The following TNRC18 variants were observed in gnomAD, a reference collection of about 807,000 sequenced individuals.
TNRC18 encodes the protein trinucleotide repeat-containing gene 18 protein.
TNRC18 carries 69 observed loss-of-function variants against 226.7 expected under a neutral mutation model. The observed-to-expected ratio is 0.30, with a 90% CI of 0.25 to 0.37. TNRC18 has a LOEUF of 0.37. Among genes scored for constraint, TNRC18 ranks in the 10% least tolerant of loss-of-function variants. The probability of loss-of-function intolerance (pLI) is 1.00; values close to 1 mark genes in which losing one functional copy is unlikely to be tolerated. For missense variants in TNRC18, 4,754 were observed against 4,256.6 expected, an observed-to-expected ratio of 1.12 and a Z score of -3.25; for synonymous variants, 2,449 against 1,927.6, an observed-to-expected ratio of 1.27 and a Z score of -7.09.
intron 19 of TNRC18, among the ~76,000 whole-genome samples, chr7:5,331,612 C>G (rs546597996): frequency 5.3e-5 from 8 of 152,302 alleles, no homozygotes; most frequent in Admixed American, 2.0e-4. Context: ...TTAAAACATC[C>G]TTTACACTGC....
In TNRC18 at chr7:5,371,127, C is replaced by T. The variant is rs377679353; in HGVS notation, c.3467G>A (p.Arg1156Gln). ...GTCCTCCACCTCTGCCTTCACCTCC[C>T]GCTCAGCCAGCGGTTCTTCCTCCGG... ...EGPEEEPLAE[R>Q]EVKAEVEDMD... The change falls in exon 11 of 30, where the codon CGG becomes CAG. Residue 1156 changes from arginine (R) to glutamine (Q), a missense_variant. Physicochemically the swap from Arg to Gln is conservative, Grantham distance 43 (BLOSUM62 1). Coordinates refer to ENST00000430969, the MANE Select transcript of TNRC18 (RefSeq NM_001080495.3). 100 of 1,611,848 alleles carry T rather than the reference C, an allele frequency of 6.2e-5. No homozygotes were observed. The highest frequency in any genetic ancestry group is 3.3e-4 in the Middle Eastern group (2 of 6,072).
chr7:5,388,983 G>A lies in TNRC18; in HGVS notation c.841C>T (p.Leu281=). 2.2e-6 allele frequency: 3 copies of A among 1,375,792 alleles called. No homozygotes were observed. The African/African-American group carries it at 4.7e-5, about 22-fold the overall frequency. The allele number at this position is 1,375,792 out of a possible 1,614,324, so 85.2% of individuals were successfully genotyped here. A position where few individuals can be genotyped will look rare whatever the true frequency, so the allele number is the denominator to read the frequency against. ...TKNAALQPSV[L]TMCNGGAGDV... is the part of the protein sequence containing the mutation. ...CCGGCGCCGCCGTTGCACATGGTCA[G>A]TACCGACGGCTGCAGCGCCGCATTC... The change falls in exon 5 of 30, where the codon CTG becomes TTG. Residue 281 remains leucine (L), a synonymous_variant. Coordinates refer to ENST00000430969, the MANE Select transcript of TNRC18 (RefSeq NM_001080495.3).
In TNRC18 at chr7:5,320,631, G is replaced by A. The variant is rs766141247; in HGVS notation, c.6561-24C>T. 71 of 1,606,344 alleles carry A rather than the reference G, an allele frequency of 4.4e-5. No individual in the cohort carries two copies. In the African/African-American group the frequency reaches 8.8e-4, roughly 20 times the overall value. ...ATCTGTAGGAGCAAACGAGGCGTGA[G>A]GTGGCAGAGGCCGAGACCTCCCCAG... On this transcript the variant is annotated intron_variant, in intron 22 of 29. Transcript: ENST00000430969.
At chr7:5,330,762 C>T (rs1401960132) in intron 19 of TNRC18, among the ~76,000 whole-genome samples, 1 of 152,188 alleles carries the variant, frequency 6.6e-6, no homozygotes, top group Admixed American at 6.5e-5. Context: ...CAACCTCCGC[C>T]TTCCGGGCTC....
intron 17 of TNRC18, among the ~76,000 whole-genome samples, chr7:5,350,953 T>C (rs1384351236): frequency 1.3e-5 from 2 of 152,098 alleles, no homozygotes; most frequent in East Asian, 3.9e-4. Context: ...AAAACAGAAA[T>C]ACACGTGAGA....
Position 5,389,196 on chromosome 7 carries a change from C to G in TNRC18, c.628G>C (p.Ala210Pro). 7.5e-7 allele frequency: 1 copy of G among 1,329,808 alleles called. No homozygotes were observed. Among genetic ancestry groups the G allele is most frequent in the Non-Finnish European group, 9.6e-7 (1 of 1,042,690 alleles). 82.4% of individuals were successfully genotyped at this position (1,329,808 alleles called of 1,614,324 possible). The stretch of plus-strand genomic sequence containing the variant: ...GGAGGCGGCTCCCCGCCGCGGCCCG[C>G]CCGCTCCTTGGCTGGACCGTCCCGC... ...SSRDGPAKER[A>P]GRGGEPPPLF... The change falls in exon 5 of 30, where the codon GCG (alanine) becomes CCG (proline). Residue 210 changes from alanine to proline, a missense_variant. Transcript: ENST00000430969.
intron 5 of TNRC18, among the ~76,000 whole-genome samples, chr7:5,384,759 G>A (rs1474669723): frequency 1.3e-5 from 2 of 152,156 alleles, no homozygotes; most frequent in South Asian, 2.1e-4. Context: ...CAATCCAAGC[G>A]CTGTTGGCCC....
intron 17 of TNRC18, among the ~76,000 whole-genome samples, chr7:5,346,046 G>A (rs1015057527): frequency 1.3e-5 from 2 of 152,258 alleles, no homozygotes; most frequent in African/African-American, 4.8e-5. Context: ...GTGGGCAGCG[G>A]CCTTGTGTGT....
chr7:5,373,778 C>G (rs563011514), intron 10 of TNRC18, among the ~76,000 whole-genome samples: 1 of 152,270 alleles, frequency 6.6e-6, no homozygotes, highest in South Asian at 2.1e-4. Flanking sequence ...TGTGACAGGT[C>G]TGGCTCGGTG....
intron 19 of TNRC18, among the ~76,000 whole-genome samples, 187 bp downstream of exon 19, chr7:5,332,435 G>A (rs1306063240): frequency 1.3e-5 from 2 of 152,194 alleles, no homozygotes; most frequent in East Asian, 3.9e-4. Context: ...TGACTCTTAA[G>A]AAACAAAGGA....
chr7:5,421,237 G>A lies in TNRC18; in HGVS notation c.10C>T (p.Arg4Ter). 2 of 1,302,182 alleles carry A rather than the reference G, an allele frequency of 1.5e-6. No individual in the cohort carries two copies. The highest frequency in any genetic ancestry group is 2.0e-6 in the Non-Finnish European group (2 of 1,022,018). 80.7% of individuals were successfully genotyped at this position (1,302,182 alleles called of 1,614,324 possible). Residue 4 changes from arginine (R) to a stop codon, truncating the protein, a stop_gained, in exon 2 of 30, where the codon CGA (arginine) becomes TGA (stop). Transcript: ENST00000430969. LOFTEE classifies it high-confidence loss of function. ...ACGGACCGCTGGGGCCCGAAGTCTC[G>A]GCCATCCATCCTCCGCGGGAGTGCC... MDG[R>*]DFGPQRSVHG...
chr7:5,354,916 A>T (rs951677817), intron 16 of TNRC18, among the ~76,000 whole-genome samples: 2 of 152,238 alleles, frequency 1.3e-5, no homozygotes, highest in African/African-American at 4.8e-5. Flanking sequence ...TTACGGTATC[A>T]ATAAACACGG....
chr7:5,346,192 G>T (rs1037869425), intron 17 of TNRC18, among the ~76,000 whole-genome samples: 2 of 152,274 alleles, frequency 1.3e-5, no homozygotes, highest in Non-Finnish European at 2.9e-5. Context: ...GAGGCAGGAG[G>T]AGAAGGAAAG....
At chr7:5,336,166 C>A (rs1790097978) in intron 18 of TNRC18, among the ~76,000 whole-genome samples, 1 of 150,568 alleles carries the variant, frequency 6.6e-6, no homozygotes, top group African/African-American at 2.4e-5. Context: ...GAGATCACAC[C>A]ACTGCACTCC....
intron 5 of TNRC18, 109 bp downstream of exon 5, chr7:5,387,563 C>CTTATA: frequency 6.9e-7 from 1 of 1,446,628 alleles, no homozygotes; most frequent in South Asian, 1.2e-5. Flanking sequence ...AAAAATGATA[C>CTTATA]TTATAAAGAC....
chr7:5,310,531 G>T (rs561164134), intron 27 of TNRC18, among the ~76,000 whole-genome samples: 2 of 152,056 alleles, frequency 1.3e-5, no homozygotes, highest in South Asian at 4.2e-4. Context: ...CACTGCGCCC[G>T]GCTAAAACTA....
At chr7:5,326,895 C>T (rs534321845) in intron 19 of TNRC18, among the ~76,000 whole-genome samples, 34 of 151,692 alleles carry the variant, frequency 2.2e-4, no homozygotes, top group African/African-American at 7.7e-4. Context: ...GAGGCCGAGG[C>T]GGGCGGATCA....
In TNRC18 at chr7:5,308,965, A is replaced by G; in HGVS notation, c.8626-16T>C. 1.9e-6 allele frequency: 3 copies of G among 1,595,698 alleles called. No individual in the cohort carries two copies. Among genetic ancestry groups the G allele is most frequent in the Non-Finnish European group, 2.6e-6 (3 of 1,172,810 alleles). ...GGTCCCAGTGCTGTGTGGGGGAGAG[A>G]GGAGGGGCTTGGGTGAGCCCGGGGG... is the stretch of plus-strand genomic sequence containing the variant. On this transcript the variant is annotated splice_polypyrimidine_tract_variant and intron_variant, in intron 28 of 29. Coordinates refer to ENST00000430969, the MANE Select transcript of TNRC18 (RefSeq NM_001080495.3).
chr7:5,331,035 G>T (rs1489292573), intron 19 of TNRC18, among the ~76,000 whole-genome samples: 1 of 152,152 alleles, frequency 6.6e-6, no homozygotes, highest in African/African-American at 2.4e-5. Flanking sequence ...TCAAAAACCT[G>T]AGATGGCCTC....
Sources: allele counts gnomAD v4.1 joint callset (sites outside exome capture counted in the v4.1 genomes callset), GRCh38; gene constraint gnomAD v4.1.1; transcripts MANE v1.5; gene names NCBI Gene and HGNC (gene_info 2026-07-23, HGNC 2026-07-21).